Variants in FAM227B observed in about 807,000 individuals in gnomAD.
FAM227B encodes protein FAM227B.
In FAM227B, 88 loss-of-function variants were observed where a neutral mutation model predicts 73.8. The observed-to-expected ratio is 1.19, with a 90% CI of 1.00 to 1.42. The LOEUF (loss-of-function observed/expected upper bound fraction) is 1.42, where lower values mean the gene tolerates loss of function less well. Among genes scored for constraint, FAM227B ranks in the 40% most tolerant of loss-of-function variants. The pLI, the probability that FAM227B is intolerant of heterozygous loss-of-function variation, is 0.00. For missense variants in FAM227B, 632 were observed against 590.9 expected (o/e 1.07, Z -0.72); for synonymous variants, 210 against 190.5 (o/e 1.10, Z -0.84).
intron 13 of FAM227B, among the ~76,000 whole-genome samples, chr15:49,350,464 A>C (rs1233355073): frequency 6.6e-6 from 1 of 152,118 alleles, no homozygotes; most frequent in Non-Finnish European, 1.5e-5. Context: ...ACTGGATCAC[A>C]TACTAATTCT....
intron 10 of FAM227B, among the ~76,000 whole-genome samples, chr15:49,522,434 G>A (rs941282211): frequency 6.6e-6 from 1 of 152,122 alleles, no homozygotes; most frequent in Non-Finnish European, 1.5e-5. Context: ...CATTTCTCTA[G>A]CAATGGATAT....
chr15:49,340,960 C>G (rs765982917), intron 13 of FAM227B, among the ~76,000 whole-genome samples: 6 of 152,142 alleles, frequency 3.9e-5, no homozygotes, highest in Admixed American at 3.9e-4. Context: ...AGGAAAGGGT[C>G]CAGTTCCAAT....
At chr15:49,396,658 G>GCAGA (rs1279282529) in intron 11 of FAM227B, among the ~76,000 whole-genome samples, 3 of 151,874 alleles carry the variant, frequency 2.0e-5, no homozygotes, top group Non-Finnish European at 4.4e-5. Flanking sequence ...CTGAGAACGG[G>GCAGA]CAGACTGCCT....
chr15:49,551,861 A>G (rs1391853450), intron 9 of FAM227B, among the ~76,000 whole-genome samples: 4 of 152,336 alleles, frequency 2.6e-5, no homozygotes, highest in South Asian at 4.1e-4. Context: ...AAACAAACTA[A>G]TAAAAACTCA....
chr15:49,330,235 C>G (rs2038398372), intron 15 of FAM227B: 1 of 152,124 alleles, frequency 6.6e-6, no homozygotes, highest in South Asian at 2.1e-4. Flanking sequence ...GAAGGCTTTG[C>G]TTTGGTATGT....
intron 3 of FAM227B, among the ~76,000 whole-genome samples, chr15:49,594,800 A>G (rs1343261508): frequency 6.6e-6 from 1 of 152,182 alleles, no homozygotes; most frequent in Non-Finnish European, 1.5e-5. Context: ...TTTTTATACC[A>G]GTACCATGCT....
At chr15:49,597,154 C>G (rs1050105041) in intron 3 of FAM227B, among the ~76,000 whole-genome samples, 5 of 151,964 alleles carry the variant, frequency 3.3e-5, no homozygotes, top group Admixed American at 1.3e-4. Context: ...TACTGGCCAA[C>G]AAATGCAGAA....
intron 3 of FAM227B, among the ~76,000 whole-genome samples, chr15:49,597,679 C>T (rs186249813): frequency 1.3e-4 from 20 of 151,958 alleles, no homozygotes; most frequent in Admixed American, 3.9e-4. Context: ...AAACAAAAAG[C>T]TTGTTAAATT....
chr15:49,385,180 T>A (rs1422338371), intron 11 of FAM227B, among the ~76,000 whole-genome samples: 1 of 151,944 alleles, frequency 6.6e-6, no homozygotes, highest in Non-Finnish European at 1.5e-5. Context: ...GGAGAGTGGA[T>A]CTAACTCCAT....
chr15:49,583,997 C>T (rs1313781009), intron 5 of FAM227B, among the ~76,000 whole-genome samples: 1 of 152,136 alleles, frequency 6.6e-6, no homozygotes, highest in Non-Finnish European at 1.5e-5. Context: ...AAGGACTCCT[C>T]CCTAACTCAT....
At chr15:49,458,989 TTTGA>T (rs1351117910) in intron 11 of FAM227B, among the ~76,000 whole-genome samples, 3 of 152,136 alleles carry the variant, frequency 2.0e-5, no homozygotes, top group Non-Finnish European at 4.4e-5. Context: ...AAGCAATTCG[TTTGA>T]TTGTCCTTCA....
At position 49,616,813 on chromosome 15, in the gene FAM227B, TATAA is replaced by T. The variant is rs1334157620; in HGVS notation, c.-72-1574_-72-1571del. Among the ~76,000 whole-genome samples, 159 of 152,230 alleles carry T rather than the reference TATAA, an allele frequency of 1.0e-3. 1 individual carries two copies. The highest frequency in any genetic ancestry group is 2.1e-3 in the Non-Finnish European group (144 of 68,032). ...AAAATTGAAATGTCAAGTATTTTGA[TATAA>T]ATATTTATTCTTAATATCCTCCTAT... On this transcript the variant is annotated intron_variant, in intron 1 of 15. Coordinates refer to ENST00000299338, the MANE Select transcript of FAM227B (RefSeq NM_152647.3).
At chr15:49,604,281 C>T (rs1441671335) in intron 3 of FAM227B, among the ~76,000 whole-genome samples, 1 of 151,984 alleles carries the variant, frequency 6.6e-6, no homozygotes, top group Non-Finnish European at 1.5e-5. Flanking sequence ...TCCATGTGTG[C>T]AAAACTTGTT....
Position 49,589,766 on chromosome 15 carries a change from T to C in FAM227B, c.337+10A>G, listed in dbSNP as rs2076413339. The C allele has an allele frequency of 6.7e-7, 1 of 1,489,928 alleles. No individual in the cohort carries two copies. The highest frequency in any genetic ancestry group is 2.3e-5 in the East Asian group (1 of 44,178). 92.3% of individuals were successfully genotyped at this position (1,489,928 alleles called of 1,614,324 possible). A position where few individuals can be genotyped will look rare whatever the true frequency, so the allele number is the denominator to read the frequency against. ...CATTTCTATAAAAGATAAAAATAAA[T>C]AAGGCTCACTTGTCTCAGAAATCAT... On this transcript the variant is annotated intron_variant, in intron 4 of 15. Transcript: ENST00000299338.
At position 49,328,336 on chromosome 15, in the gene FAM227B, T is replaced by C. The variant is rs916860225; in HGVS notation, c.*232A>G. ...CTCTCTATGCTTCATAATGATTCTTTTTCCATCTTAAAATATGGTTTTACT... is the reference window on the plus strand; with the variant it reads ...CTCTCTATGCTTCATAATGATTCTTCTTCCATCTTAAAATATGGTTTTACT... On this transcript the variant is annotated 3_prime_UTR_variant, in exon 16 of 16. Transcript: ENST00000299338. The C allele has an allele frequency of 1.3e-5, 18 of 1,430,592 alleles. No individual in the cohort carries two copies. The highest frequency in any genetic ancestry group is 1.6e-5 in the Non-Finnish European group (18 of 1,096,398). The allele number at this position is 1,430,592 out of a possible 1,614,324, so 88.6% of individuals were successfully genotyped here. A position where few individuals can be genotyped will look rare whatever the true frequency, so the allele number is the denominator to read the frequency against.
At chr15:49,579,508 G>C (rs1156477551) in intron 5 of FAM227B, among the ~76,000 whole-genome samples, 1 of 152,172 alleles carries the variant, frequency 6.6e-6, no homozygotes, top group African/African-American at 2.4e-5. Flanking sequence ...GGATAAAACT[G>C]GAGGTTGTCT....
chr15:49,606,216 T>C (rs2077511710), intron 3 of FAM227B: 1 of 152,176 alleles, frequency 6.6e-6, no homozygotes, highest in Non-Finnish European at 1.5e-5. Flanking sequence ...CAAATTGATA[T>C]TTCTGCAAAG....
At chr15:49,554,774 G>T (rs1451463374) in intron 9 of FAM227B, among the ~76,000 whole-genome samples, 1 of 152,030 alleles carries the variant, frequency 6.6e-6, no homozygotes, top group African/African-American at 2.4e-5. Context: ...CCTGATTTTT[G>T]TTTTTTTATG....
rs139455352 is a variant in FAM227B at position 49,546,940 on chromosome 15, G to A, written c.748-5134C>T. 2.1e-3 allele frequency among the ~76,000 whole-genome samples: 324 copies of A among 152,210 alleles called. 2 individuals carry two copies. Among genetic ancestry groups the A allele is most frequent in the African/African-American group, 7.4e-3 (309 of 41,528 alleles). On this transcript the variant is annotated intron_variant, in intron 9 of 15. Coordinates refer to ENST00000299338, the MANE Select transcript of FAM227B (RefSeq NM_152647.3). ...CAGGAAATACAGAGAATGCCACAAC[G>A]ATACTCCTTGAGAAGAGCAAGTCCA...
Sources: allele counts gnomAD v4.1 joint callset (sites outside exome capture counted in the v4.1 genomes callset), GRCh38; gene constraint gnomAD v4.1.1; transcripts MANE v1.5; gene names NCBI Gene and HGNC (gene_info 2026-07-23, HGNC 2026-07-21).